CD83: variants seen among roughly 807,000 people sequenced by gnomAD.
CD83 encodes the protein CD83 antigen.
CD83 carries 22 observed loss-of-function variants against 24.6 expected under a neutral mutation model. The ratio of observed to expected loss-of-function variants is 0.90; its 90% CI spans 0.64 to 1.28. CD83 has a LOEUF of 1.28. Ranked by LOEUF, CD83 falls within the 50% of genes most tolerant of loss-of-function variation. CD83 has a pLI of 0.00. For missense variants in CD83, 253 were observed against 252.8 expected (o/e 1.00, Z -0.01); for synonymous variants, 101 against 103.5 (o/e 0.98, Z 0.14).
Position 14,118,152 on chromosome 6 carries a change from G to A in CD83, c.153+87G>A, listed in dbSNP as rs556994325. 4 of 938,580 alleles carry A rather than the reference G, an allele frequency of 4.3e-6. No homozygotes were observed. In the South Asian group the frequency reaches 6.8e-5, roughly 16 times the overall value. 58.1% of individuals were successfully genotyped at this position (938,580 alleles called of 1,614,324 possible). Reference sequence around the variant, plus strand: ...ATCTCCCCTAGGCTGGCGACCCTCTGTGGCTGCCAGGTGGGGGCGAGGGGC... The same window carrying A: ...ATCTCCCCTAGGCTGGCGACCCTCTATGGCTGCCAGGTGGGGGCGAGGGGC... On this transcript the variant is annotated intron_variant, in intron 2 of 4. Coordinates refer to ENST00000379153, the MANE Select transcript of CD83 (RefSeq NM_004233.4).
rs1479202839 is a variant in CD83, at chr6:14,136,728, A to G, written c.*1492A>G. 1.3e-5 allele frequency: 2 copies of G among 152,214 alleles called. No homozygotes were observed. Among genetic ancestry groups the G allele is most frequent in the Non-Finnish European group, 2.9e-5 (2 of 68,044 alleles). The allele number at this position is 152,214 out of a possible 1,614,324, so 9.4% of individuals were successfully genotyped here. On this transcript the variant is annotated 3_prime_UTR_variant, in exon 5 of 5. Coordinates refer to ENST00000379153, the MANE Select transcript of CD83 (RefSeq NM_004233.4). The stretch of plus-strand genomic sequence containing the variant: ...CAACTCATAAGACTTTGGGATAGGA[A>G]AAATGAGTAATGGTTACTAGGCTTA...
At chr6:14,133,857 G>A in intron 4 of CD83, 102 bp downstream of exon 4, 1 of 716,288 alleles carries the variant, frequency 1.4e-6, no homozygotes, top group Non-Finnish European at 2.3e-6. Flanking sequence ...AATGGTGAGA[G>A]AGATTATTCT....
intron 2 of CD83, among the ~76,000 whole-genome samples, chr6:14,118,736 T>G (rs1275683988): frequency 6.6e-6 from 1 of 152,042 alleles, no homozygotes; most frequent in African/African-American, 2.4e-5. Flanking sequence ...GTGGACTGAG[T>G]GACAAGGAGG....
At chr6:14,130,094 G>A (rs35360116) in intron 2 of CD83, among the ~76,000 whole-genome samples, 4,467 of 152,154 alleles carry the variant, frequency 0.029, 94 homozygotes, top group Non-Finnish European at 0.038. Context: ...GTGGCTCTTG[G>A]GTGCAGTTAT....
At chr6:14,128,235 C>G (rs1381917088) in intron 2 of CD83, among the ~76,000 whole-genome samples, 1 of 152,164 alleles carries the variant, frequency 6.6e-6, no homozygotes, top group African/African-American at 2.4e-5. Flanking sequence ...CCACAGTTAG[C>G]TCATCTGATA....
At chr6:14,119,312 A>T (rs2113384618) in intron 2 of CD83, among the ~76,000 whole-genome samples, 1 of 152,312 alleles carries the variant, frequency 6.6e-6, no homozygotes, top group African/African-American at 2.4e-5. Flanking sequence ...CTTCATTGGT[A>T]CCTTACTTAC....
At chr6:14,122,137 A>T (rs577363680) in intron 2 of CD83, among the ~76,000 whole-genome samples, 12 of 152,334 alleles carry the variant, frequency 7.9e-5, no homozygotes, top group African/African-American at 2.9e-4. Flanking sequence ...GTGTGACTTC[A>T]TATAAAAGTC....
intron 2 of CD83, among the ~76,000 whole-genome samples, chr6:14,126,968 A>C (rs1210180730): frequency 1.3e-5 from 2 of 151,614 alleles, no homozygotes; most frequent in Non-Finnish European, 2.9e-5. Flanking sequence ...CCTATTGCAC[A>C]TTCCCCCCAC....
upstream of CD83, chr6:14,117,623 A>C: frequency 9.9e-6 from 3 of 302,146 alleles, no homozygotes; most frequent in African/African-American, 2.6e-5. The surrounding 1 kb of genome is among the most constrained non-coding windows in gnomAD (Gnocchi z 4.6). Flanking sequence ...GACGGGGGCG[A>C]AGGGGGCGGG....
chr6:14,117,609 CGGG>C, upstream of CD83: 3 of 130,752 alleles, frequency 2.3e-5, no homozygotes, highest in African/African-American at 2.2e-4. The surrounding 1 kb of genome is among the most constrained non-coding windows in gnomAD (Gnocchi z 4.6). Context: ...GGGACGGGGG[CGGG>C]GACGGGGGCG....
Position 14,117,859 on chromosome 6 carries a change from C to T in CD83, c.37+11C>T, listed in dbSNP as rs751798123. 8 of 1,574,920 alleles carry T rather than the reference C, an allele frequency of 5.1e-6. No homozygotes were observed. The highest frequency in any genetic ancestry group is 4.7e-5 in the East Asian group (2 of 42,812). On this transcript the variant is annotated intron_variant, in intron 1 of 4. Coordinates refer to ENST00000379153, the MANE Select transcript of CD83 (RefSeq NM_004233.4). This position sits in a 1 kb window ranked among gnomAD's most constrained non-coding sequence, Gnocchi z 4.6. ...TGCTCCTGAGCTGCGGTAGGGCTCG[C>T]GAGCGCCTGTCTCGCCTGTCGCCCC...
chr6:14,133,734 A>G lies in CD83; in HGVS notation c.468A>G (p.Leu156=). The G allele has an allele frequency of 2.5e-6, 4 of 1,609,548 alleles. No individual in the cohort carries two copies. The highest frequency in any genetic ancestry group is 3.4e-6 in the Non-Finnish European group (4 of 1,176,206). Residue 156 remains leucine, a synonymous_variant, in exon 4 of 5, where the codon TTA becomes TTG. Coordinates refer to ENST00000379153, the MANE Select transcript of CD83 (RefSeq NM_004233.4). ...TGCTGGCTCTGGTTATTTTCTACTT[A>G]ACACTCATCATTTTCACTTGTGTAA... ...VLLLALVIFY[L]TLIIFTCKFA... is the part of the protein sequence containing the mutation.
rs1289997343 is a variant in CD83, at chr6:14,129,005, T to G, written c.154-2515T>G. 6.6e-6 allele frequency among the ~76,000 whole-genome samples: 1 copy of G among 152,182 alleles called. No homozygotes were observed. Among genetic ancestry groups the G allele is most frequent in the Admixed American group, 6.5e-5 (1 of 15,278 alleles). ...CTTTATGTAAATAGACACAATAGTT[T>G]ATGTTTCTACCAGCTCCAGAGGGGT... On this transcript the variant is annotated intron_variant, in intron 2 of 4. Coordinates refer to ENST00000379153, the MANE Select transcript of CD83 (RefSeq NM_004233.4). The surrounding 1 kb of genome is among the most constrained non-coding windows in gnomAD (Gnocchi z 4.3).
chr6:14,131,624 T>C lies in CD83; in HGVS notation c.258T>C (p.Asn86=), dbSNP rs1757904339. 3 of 1,614,056 alleles carry C rather than the reference T, an allele frequency of 1.9e-6. No individual in the cohort carries two copies. The highest frequency in any genetic ancestry group is 2.5e-6 in the Non-Finnish European group (3 of 1,179,996). ...AAAATGGTTCTTTCGACGCCCCCAA[T>C]GAAAGGCCCTATTCCCTGAAGATCC... The part of the protein sequence containing the change: ...KGQNGSFDAP[N]ERPYSLKIRN... Residue 86 remains asparagine, a synonymous_variant, in exon 3 of 5, where the codon AAT becomes AAC. Transcript: ENST00000379153.
chr6:14,119,331 C>T (rs762322648), intron 2 of CD83, among the ~76,000 whole-genome samples: 8 of 152,154 alleles, frequency 5.3e-5, no homozygotes, highest in Non-Finnish European at 1.0e-4. Context: ...ACTGTGGGAT[C>T]AGAGAACACA....
At chr6:14,119,486 T>C (rs1759622828) in intron 2 of CD83, among the ~76,000 whole-genome samples, 1 of 152,204 alleles carries the variant, frequency 6.6e-6, no homozygotes, top group African/African-American at 2.4e-5. Flanking sequence ...AGAATGGACT[T>C]AGGGATTAGT....
Position 14,134,812 on chromosome 6 carries a change from A to G in CD83, c.490-296A>G, listed in dbSNP as rs930221242. Among the ~76,000 whole-genome samples, 6 of 152,262 alleles carry G rather than the reference A, an allele frequency of 3.9e-5. No individual in the cohort carries two copies. In the East Asian group the frequency reaches 9.6e-4, roughly 24 times the overall value. On this transcript the variant is annotated intron_variant, in intron 4 of 4. Coordinates refer to ENST00000379153, the MANE Select transcript of CD83 (RefSeq NM_004233.4). ...AGTTACCAGGCAGTATGTTTTAAAC[A>G]TGAATGACTTTAGCTTCTTGTTGGA...
intron 2 of CD83, among the ~76,000 whole-genome samples, chr6:14,122,204 C>T (rs573271584): frequency 1.3e-5 from 2 of 152,262 alleles, no homozygotes; most frequent in East Asian, 3.9e-4. Flanking sequence ...AGATCATGGG[C>T]CATCCATGGA....
intron 2 of CD83, among the ~76,000 whole-genome samples, chr6:14,130,502 A>G (rs1225531937): frequency 6.6e-6 from 1 of 152,186 alleles, no homozygotes; most frequent in Non-Finnish European, 1.5e-5. Flanking sequence ...AGGCGGGCGG[A>G]TCGCTTGAGT....
Sources: gnomAD v4.1 joint callset for allele counts (sites outside exome capture counted in the v4.1 genomes callset) on GRCh38, gnomAD v4.1.1 for gene constraint, Gnocchi (gnomAD v3.1) non-coding constraint, MANE v1.5 for transcripts, NCBI Gene and HGNC (gene_info 2026-07-23, HGNC 2026-07-21) for gene names.